MAPK8: variants seen among roughly 807,000 people sequenced by gnomAD.
MAPK8 encodes the protein mitogen-activated protein kinase 8, also known as JUN N-terminal kinase.
In MAPK8, 13 loss-of-function variants were observed where a neutral mutation model predicts 52.9. The ratio of observed to expected loss-of-function variants is 0.25; its 90% CI spans 0.16 to 0.39. The LOEUF (loss-of-function observed/expected upper bound fraction) is 0.39. Ranked by LOEUF, MAPK8 falls within the 10% of genes least tolerant of loss-of-function variation. The pLI is 1.00. For missense variants in MAPK8, 300 were observed against 519.2 expected, an observed-to-expected ratio of 0.58 and a Z score of 4.10; for synonymous variants, 191 against 169.8, an observed-to-expected ratio of 1.12 and a Z score of -0.97.
chr10:48,426,949 T>G (rs1324002190), intron 9 of MAPK8, 131 bp from the exon 10 acceptor site: 2 of 638,940 alleles, frequency 3.1e-6, no homozygotes, highest in Non-Finnish European at 5.6e-6. Flanking sequence ...TATAAGTAAG[T>G]TGATGATTGA....
chr10:48,359,505 C>G (rs1847323631), intron 1 of MAPK8, among the ~76,000 whole-genome samples: 1 of 151,790 alleles, frequency 6.6e-6, no homozygotes, highest in South Asian at 2.1e-4. Flanking sequence ...GGGGGCTAGC[C>G]CTATCAGATA....
At position 48,409,917 on chromosome 10, in the gene MAPK8, C is replaced by T. The variant is rs55740545; in HGVS notation, c.291C>T (p.Ser97=). The part of the protein sequence containing the change: ...GLLNVFTPQK[S]LEEFQDVYIV... ...TGAATGTTTTCACACCACAGAAATC[C>T]CTAGAAGAATTTCAAGATGTGTAAG... The change falls in exon 4 of 12, where the codon TCC becomes TCT. Residue 97 remains serine (S), a synonymous_variant. Transcript: ENST00000374189. 4.5e-4 allele frequency: 726 copies of T among 1,611,332 alleles called. 10 individuals carry two copies. In the East Asian group the frequency reaches 0.014, roughly 30 times the overall value.
intron 3 of MAPK8, among the ~76,000 whole-genome samples, chr10:48,405,992 C>T (rs1344043241): frequency 6.6e-6 from 1 of 152,120 alleles, no homozygotes; most frequent in African/African-American, 2.4e-5. Flanking sequence ...AAATATCAAA[C>T]ATCACAAAGC....
chr10:48,316,358 T>C (rs1842500880), intron 1 of MAPK8, among the ~76,000 whole-genome samples: 1 of 152,218 alleles, frequency 6.6e-6, no homozygotes, highest in Non-Finnish European at 1.5e-5. Context: ...AGCTTAGGTA[T>C]GTTGTACTAT....
At chr10:48,366,941 A>C (rs1050766651) in intron 1 of MAPK8, among the ~76,000 whole-genome samples, 1 of 152,112 alleles carries the variant, frequency 6.6e-6, no homozygotes, top group African/African-American at 2.4e-5. Flanking sequence ...TTATTTCAAT[A>C]TTGTTTTCCT....
In MAPK8 at chr10:48,427,151, C is replaced by G. The variant is rs751238106; in HGVS notation, c.1060+8C>G. ...CAATAGAAGAGTGGAAAGGTACATT[C>G]GTCAGATTCTTAGAGGGAAAACTGT... is the stretch of plus-strand genomic sequence containing the variant. On this transcript the variant is annotated splice_region_variant and intron_variant, in intron 10 of 11. Coordinates refer to ENST00000374189, the MANE Select transcript of MAPK8 (RefSeq NM_001323329.2). 1.2e-6 allele frequency: 2 copies of G among 1,604,998 alleles called. No homozygotes were observed. Among genetic ancestry groups the G allele is most frequent in the East Asian group, 2.2e-5 (1 of 44,674 alleles).
chr10:48,363,915 T>TA, intron 1 of MAPK8, among the ~76,000 whole-genome samples: 1 of 152,200 alleles, frequency 6.6e-6, no homozygotes, highest in East Asian at 1.9e-4. Context: ...ATATCAGTAG[T>TA]AAAAAGTGCA....
At chr10:48,355,692 A>G (rs2132477869) in intron 1 of MAPK8, among the ~76,000 whole-genome samples, 1 of 152,360 alleles carries the variant, frequency 6.6e-6, no homozygotes, top group East Asian at 1.9e-4. Flanking sequence ...GTAAGAGAGA[A>G]TGGTAAACAA....
intron 3 of MAPK8, among the ~76,000 whole-genome samples, chr10:48,409,511 C>G (rs897029261): frequency 1.3e-5 from 2 of 152,026 alleles, no homozygotes; most frequent in Non-Finnish European, 2.9e-5. Flanking sequence ...TATGAAAAAC[C>G]AAGGGAGGAA....
In MAPK8 at chr10:48,426,030, T is replaced by C. The variant is rs761225527; in HGVS notation, c.831T>C (p.Asp277=). ...AGYSFEKLFP[D]VLFPADSEHN... is the part of the protein sequence containing the mutation. ...ATAGCTTTGAGAAACTCTTCCCTGA[T>C]GTCCTTTTCCCAGCTGACTCAGAAC... The change falls in exon 8 of 12, where the codon GAT becomes GAC. Residue 277 remains aspartate, a synonymous_variant. Transcript: ENST00000374189. 6.2e-7 allele frequency: 1 copy of C among 1,612,560 alleles called. No individual in the cohort carries two copies. The highest frequency in any genetic ancestry group is 1.7e-5 in the Admixed American group (1 of 59,708).
intron 5 of MAPK8, among the ~76,000 whole-genome samples, chr10:48,418,519 G>A (rs1487637028): frequency 1.3e-5 from 2 of 152,112 alleles, no homozygotes; most frequent in Non-Finnish European, 2.9e-5. Context: ...ACCAAAGCAG[G>A]GCAGGAGATG....
At chr10:48,326,282 G>T (rs1451246503) in intron 1 of MAPK8, among the ~76,000 whole-genome samples, 1 of 152,136 alleles carries the variant, frequency 6.6e-6, no homozygotes, top group Non-Finnish European at 1.5e-5. Flanking sequence ...TTGGGTTATA[G>T]TCCAATACTA....
rs1345706384 is a variant in MAPK8 at position 48,375,464 on chromosome 10, A to G, written c.-49-26148A>G. Among the ~76,000 whole-genome samples the G allele has an allele frequency of 3.4e-5, 5 of 148,988 alleles. No homozygotes were observed. The East Asian group carries it at 8.0e-4, about 24-fold the overall frequency. ...GAATTCAAATTGTCTCTGTTTGCAGATGACATGATTGTATATTTAAAAAAA... is the reference window on the plus strand; with the variant it reads ...GAATTCAAATTGTCTCTGTTTGCAGGTGACATGATTGTATATTTAAAAAAA... On this transcript the variant is annotated intron_variant, in intron 1 of 11. Coordinates refer to ENST00000374189, the MANE Select transcript of MAPK8 (RefSeq NM_001323329.2).
intron 5 of MAPK8, among the ~76,000 whole-genome samples, chr10:48,415,362 A>G (rs1210185427): frequency 6.6e-6 from 1 of 152,220 alleles, no homozygotes; most frequent in African/African-American, 2.4e-5. Context: ...TGAGGATAGC[A>G]GGTGGCTGGA....
chr10:48,419,892 C>A (rs1184659801), intron 5 of MAPK8, among the ~76,000 whole-genome samples: 4 of 152,106 alleles, frequency 2.6e-5, no homozygotes, highest in Non-Finnish European at 4.4e-5. Flanking sequence ...TTTACTCTAA[C>A]CAAAAATGTC....
intron 2 of MAPK8, among the ~76,000 whole-genome samples, chr10:48,402,961 A>C (rs1357796240): frequency 6.6e-6 from 1 of 152,212 alleles, no homozygotes; most frequent in Non-Finnish European, 1.5e-5. Flanking sequence ...CTGGGCTTCA[A>C]AGCAAGATGT....
chr10:48,364,113 A>AC (rs1847817907), intron 1 of MAPK8, among the ~76,000 whole-genome samples: 1 of 152,156 alleles, frequency 6.6e-6, no homozygotes, highest in Non-Finnish European at 1.5e-5. Flanking sequence ...TTTGAGGCAC[A>AC]CGGGGCTATT....
At chr10:48,310,398 AAAT>A (rs1841860172) in intron 1 of MAPK8, among the ~76,000 whole-genome samples, 2 of 152,190 alleles carry the variant, frequency 1.3e-5, no homozygotes, top group African/African-American at 4.8e-5. Context: ...GAAGCCAAAA[AAAT>A]TGTTGAGTTG....
intron 1 of MAPK8, among the ~76,000 whole-genome samples, chr10:48,334,170 G>GAGTA (rs1844433401): frequency 6.6e-6 from 1 of 152,200 alleles, no homozygotes; most frequent in Non-Finnish European, 1.5e-5. Context: ...GGAGAGTGGA[G>GAGTA]AGTAAACCCA....
Sources: allele counts gnomAD v4.1 joint callset (sites outside exome capture counted in the v4.1 genomes callset), GRCh38; gene constraint gnomAD v4.1.1; transcripts MANE v1.5; gene names NCBI Gene and HGNC (gene_info 2026-07-23, HGNC 2026-07-21).